GPC5: variants seen among roughly 807,000 people sequenced by gnomAD.
GPC5 encodes the protein glypican 5.
In GPC5, 47 loss-of-function variants were observed where a neutral mutation model predicts 53.9. The observed-to-expected ratio is 0.87, with a 90% CI of 0.69 to 1.11. GPC5 has a LOEUF of 1.11. Ranked by LOEUF, GPC5 falls within the 50% of genes most tolerant of loss-of-function variation. The pLI is 0.00. For missense variants in GPC5, 748 were observed against 713.1 expected, an observed-to-expected ratio of 1.05 and a Z score of -0.56; for synonymous variants, 286 against 263.3, an observed-to-expected ratio of 1.09 and a Z score of -0.84.
chr13:92,498,347 C>T (rs771321677), intron 7 of GPC5, among the ~76,000 whole-genome samples: 7 of 152,110 alleles, frequency 4.6e-5, no homozygotes, highest in East Asian at 1.9e-4. Flanking sequence ...TGGATTTACA[C>T]GCATGCTCAC....
chr13:91,618,124 TTA>T (rs2033748823), intron 2 of GPC5, among the ~76,000 whole-genome samples: 1 of 152,062 alleles, frequency 6.6e-6, no homozygotes, highest in African/African-American at 2.4e-5. Context: ...AATGGAGGCA[TTA>T]GACACAGACA....
intron 6 of GPC5, among the ~76,000 whole-genome samples, chr13:91,998,858 C>T (rs2040528881): frequency 6.6e-6 from 1 of 152,130 alleles, no homozygotes; most frequent in African/African-American, 2.4e-5. Flanking sequence ...ACCATCCGTC[C>T]AAGCCACACA....
At position 91,777,032 on chromosome 13, in the gene GPC5, C is replaced by G. The variant is rs188762159; in HGVS notation, c.1280+20612C>G. 9.8e-5 allele frequency among the ~76,000 whole-genome samples: 15 copies of G among 152,306 alleles called. No homozygotes were observed. The East Asian group carries it at 2.9e-3, about 29-fold the overall frequency. ...AAGCCCTTCCTGCTAACCTTTAACC[C>G]TAACGACTGTGCATAATTTATTATC... On this transcript the variant is annotated intron_variant, in intron 5 of 7. Transcript: ENST00000377067.
chr13:92,504,247 T>C (rs1270030713), intron 7 of GPC5, among the ~76,000 whole-genome samples: 2 of 151,918 alleles, frequency 1.3e-5, no homozygotes, highest in Non-Finnish European at 2.9e-5. Context: ...GAAAACCATA[T>C]AATCACTCCA....
At chr13:92,097,587 T>C (rs1168451971) in intron 6 of GPC5, among the ~76,000 whole-genome samples, 1 of 152,158 alleles carries the variant, frequency 6.6e-6, no homozygotes, top group Admixed American at 6.5e-5. Flanking sequence ...GAGATAAGAT[T>C]ATGTAAGAAA....
chr13:92,666,231 T>G (rs548012601), intron 7 of GPC5, among the ~76,000 whole-genome samples: 1 of 152,302 alleles, frequency 6.6e-6, no homozygotes, highest in East Asian at 1.9e-4. Flanking sequence ...TGGATTTTTT[T>G]CCCTAGTGTT....
intron 7 of GPC5, among the ~76,000 whole-genome samples, chr13:92,654,656 G>A (rs1055583827): frequency 3.3e-5 from 5 of 151,460 alleles, no homozygotes; most frequent in African/African-American, 1.2e-4. Context: ...GAAATCGTTT[G>A]ACAAACATGA....
intron 7 of GPC5, among the ~76,000 whole-genome samples, chr13:92,179,620 C>T (rs998986770): frequency 2.0e-5 from 3 of 152,216 alleles, no homozygotes; most frequent in African/African-American, 7.2e-5. Context: ...TGCTCATAAT[C>T]TTCGTAGGCT....
intron 6 of GPC5, among the ~76,000 whole-genome samples, chr13:91,940,168 A>G (rs1044421657): frequency 2.6e-5 from 4 of 152,076 alleles, no homozygotes; most frequent in African/African-American, 7.2e-5. Flanking sequence ...CTAGTAGTCC[A>G]TAGTGTCTAT....
At chr13:91,783,427 T>C (rs975305379) in intron 5 of GPC5, among the ~76,000 whole-genome samples, 1 of 152,092 alleles carries the variant, frequency 6.6e-6, no homozygotes, top group African/African-American at 2.4e-5. Context: ...AAAATAGTTT[T>C]TACTTTAATT....
chr13:91,595,915 ATCTACTATT>A (rs1396292744), intron 2 of GPC5, among the ~76,000 whole-genome samples: 2 of 152,298 alleles, frequency 1.3e-5, no homozygotes, highest in African/African-American at 4.8e-5. Context: ...CTGATTATCT[ATCTACTATT>A]CTATCAATGA....
intron 7 of GPC5, among the ~76,000 whole-genome samples, chr13:92,786,395 G>A (rs900369301): frequency 2.0e-5 from 3 of 152,054 alleles, no homozygotes; most frequent in Admixed American, 2.0e-4. Flanking sequence ...AAGTTGTTAG[G>A]TGTAATAGGA....
Position 92,006,602 on chromosome 13 carries a change from G to T in GPC5, c.1401+98545G>T, listed in dbSNP as rs554034272. Reference sequence around the variant, plus strand: ...CATACCCAAGTAAACTCTTGATCTTGTATCAAATGTAGTGGAAAACATTTA... The same window carrying T: ...CATACCCAAGTAAACTCTTGATCTTTTATCAAATGTAGTGGAAAACATTTA... On this transcript the variant is annotated intron_variant, in intron 6 of 7. Transcript: ENST00000377067. 3.3e-5 allele frequency among the ~76,000 whole-genome samples: 5 copies of T among 152,194 alleles called. No homozygotes were observed. In the East Asian group the frequency reaches 9.6e-4, roughly 29 times the overall value.
chr13:91,730,503 C>T (rs915159203), intron 4 of GPC5, among the ~76,000 whole-genome samples: 2 of 152,126 alleles, frequency 1.3e-5, no homozygotes, highest in East Asian at 1.9e-4. Flanking sequence ...TAGTTCTTCA[C>T]GGCAATCTCA....
intron 6 of GPC5, among the ~76,000 whole-genome samples, chr13:91,936,485 A>AT (rs897394220): frequency 6.6e-6 from 1 of 152,078 alleles, no homozygotes; most frequent in African/African-American, 2.4e-5. Flanking sequence ...ACAAAGCATC[A>AT]TTTTTGCCAC....
chr13:92,461,754 A>G (rs1481457010), intron 7 of GPC5, among the ~76,000 whole-genome samples: 3 of 152,176 alleles, frequency 2.0e-5, no homozygotes, highest in Non-Finnish European at 4.4e-5. Context: ...CAAACTAGGA[A>G]GAGGACCCTT....
rs1334697130 is a variant in GPC5 at position 91,679,713 on chromosome 13, T to G, written c.326-13474T>G. ...TTTTACCTCCACAAATTCACATTTT[T>G]AAAAGCCATTGCATTTAAGAAAGTC... On this transcript the variant is annotated intron_variant, in intron 2 of 7. Coordinates refer to ENST00000377067, the MANE Select transcript of GPC5 (RefSeq NM_004466.6). 2.0e-5 allele frequency among the ~76,000 whole-genome samples: 3 copies of G among 152,222 alleles called. No individual in the cohort carries two copies. The East Asian group carries it at 5.8e-4, about 29-fold the overall frequency.
chr13:92,588,781 G>A (rs557042630), intron 7 of GPC5, among the ~76,000 whole-genome samples: 41 of 152,222 alleles, frequency 2.7e-4, no homozygotes, highest in African/African-American at 9.4e-4. Flanking sequence ...AATTGTCCCG[G>A]TCCCTGATAG....
At position 92,325,103 on chromosome 13, in the gene GPC5, G is replaced by GACACACACAC. The variant is rs140189672; in HGVS notation, c.1561+180133_1561+180142dup. Among the ~76,000 whole-genome samples the GACACACACAC allele has an allele frequency of 2.2e-3, 329 of 146,422 alleles. 1 individual carries two copies. The highest frequency in any genetic ancestry group is 4.8e-3 in the African/African-American group (195 of 40,316). On this transcript the variant is annotated intron_variant, in intron 7 of 7. Transcript: ENST00000377067. ...AGAGAACATACCTTTAATAACTTCT[G>GACACACACAC]ACACACACACACACACACACACACA...
Sources: allele counts gnomAD v4.1 joint callset (sites outside exome capture counted in the v4.1 genomes callset), GRCh38; gene constraint gnomAD v4.1.1; transcripts MANE v1.5; gene names NCBI Gene and HGNC (gene_info 2026-07-23, HGNC 2026-07-21).